The following WWOX variants were observed in gnomAD, a reference collection of about 807,000 sequenced individuals.
WWOX encodes the protein WW domain containing oxidoreductase.
WWOX carries 69 observed loss-of-function variants against 46.2 expected under a neutral mutation model. That is an observed-to-expected ratio of 1.49 (90% confidence interval 1.23 to 1.82). The LOEUF (loss-of-function observed/expected upper bound fraction) is 1.82, where lower values mean the gene tolerates loss of function less well. Ranked by LOEUF, WWOX falls within the 40% of genes most tolerant of loss-of-function variation. The pLI, the probability that WWOX is intolerant of heterozygous loss-of-function variation, is 0.00. For synonymous variants in WWOX, 359 were observed against 202.6 expected (o/e 1.77, Z -6.56); for missense variants, 919 against 542.6 (o/e 1.69, Z -6.89).
intron 8 of WWOX, among the ~76,000 whole-genome samples, chr16:78,925,447 G>C (rs2045476744): frequency 6.6e-6 from 1 of 152,162 alleles, no homozygotes; most frequent in Admixed American, 6.5e-5. Context: ...ACCTTCCTTG[G>C]TGTTAAAAAA....
At chr16:78,844,911 C>T (rs544742908) in intron 8 of WWOX, among the ~76,000 whole-genome samples, 2 of 152,294 alleles carry the variant, frequency 1.3e-5, no homozygotes, top group African/African-American at 2.4e-5. Context: ...TGGTTGCTGA[C>T]TCTCAGGATC....
chr16:78,720,561 G>C (rs939164063), intron 8 of WWOX, among the ~76,000 whole-genome samples: 1 of 151,204 alleles, frequency 6.6e-6, no homozygotes, highest in African/African-American at 2.4e-5. Flanking sequence ...ATGTGTCTGT[G>C]AGAGACAGAG....
chr16:78,380,127 A>G (rs1454558101), intron 5 of WWOX, among the ~76,000 whole-genome samples: 2 of 152,182 alleles, frequency 1.3e-5, no homozygotes, highest in Non-Finnish European at 2.9e-5. Context: ...TACTTGGGCT[A>G]CCGGGTTACC....
At chr16:78,482,533 A>G (rs886459543) in intron 8 of WWOX, among the ~76,000 whole-genome samples, 1 of 152,160 alleles carries the variant, frequency 6.6e-6, no homozygotes, top group Non-Finnish European at 1.5e-5. Context: ...AAATAACTCC[A>G]TTATTTAAGA....
intron 8 of WWOX, among the ~76,000 whole-genome samples, chr16:79,119,778 C>CTGAA (rs1233630005): frequency 6.6e-6 from 1 of 152,152 alleles, no homozygotes; most frequent in Non-Finnish European, 1.5e-5. Context: ...TGCTGTTGTG[C>CTGAA]TGAACCCTAT....
chr16:78,889,628 C>G (rs1435565680), intron 8 of WWOX, among the ~76,000 whole-genome samples: 3 of 152,150 alleles, frequency 2.0e-5, no homozygotes, highest in Non-Finnish European at 2.9e-5. Flanking sequence ...ATGGAATAAG[C>G]TAGAAATTTG....
At chr16:78,465,484 G>A (rs1370839070) in intron 8 of WWOX, among the ~76,000 whole-genome samples, 1 of 152,168 alleles carries the variant, frequency 6.6e-6, no homozygotes, top group Non-Finnish European at 1.5e-5. Context: ...CCAGCCTGGG[G>A]GAGGGTTTGT....
intron 8 of WWOX, among the ~76,000 whole-genome samples, chr16:78,537,493 G>A (rs367801196): frequency 1.3e-4 from 19 of 151,984 alleles, no homozygotes; most frequent in African/African-American, 3.9e-4. Context: ...TTGTTTTATC[G>A]TTTTCATCAT....
chr16:78,568,799 A>T (rs147157316), intron 8 of WWOX, among the ~76,000 whole-genome samples: 33 of 152,298 alleles, frequency 2.2e-4, no homozygotes, highest in Non-Finnish European at 4.6e-4. Flanking sequence ...GCCAGAAACA[A>T]CTGGCTGTTA....
At chr16:79,029,535 C>G (rs1294769510) in intron 8 of WWOX, among the ~76,000 whole-genome samples, 1 of 152,178 alleles carries the variant, frequency 6.6e-6, no homozygotes, top group Non-Finnish European at 1.5e-5. Context: ...GAACAGGATG[C>G]TCCTTTAAGT....
rs1484696267 is a variant in WWOX, at chr16:78,157,733, C to T, written c.410-6450C>T. Among the ~76,000 whole-genome samples the T allele has an allele frequency of 3.3e-5, 5 of 152,294 alleles. No homozygotes were observed. The East Asian group carries it at 9.7e-4, about 29-fold the overall frequency. ...TATTCAGACAAACGGAATGGTGGAG[C>T]CCGAGGTTGATTTCTTTGAATTCTG... On this transcript the variant is annotated intron_variant, in intron 4 of 8. Transcript: ENST00000566780.
chr16:78,988,325 C>T (rs2046820232), intron 8 of WWOX, among the ~76,000 whole-genome samples: 1 of 137,980 alleles, frequency 7.2e-6, no homozygotes, highest in East Asian at 2.1e-4. Flanking sequence ...GCCCAGGCAA[C>T]AAGAGCAAAA....
At chr16:78,141,402 A>G (rs965859365) in intron 4 of WWOX, among the ~76,000 whole-genome samples, 8 of 144,666 alleles carry the variant, frequency 5.5e-5, no homozygotes, top group Non-Finnish European at 1.1e-4. Context: ...ATTCTAGACC[A>G]CTGGATGTCA....
chr16:78,986,277 C>T (rs2046782900), intron 8 of WWOX, among the ~76,000 whole-genome samples: 1 of 152,140 alleles, frequency 6.6e-6, no homozygotes, highest in South Asian at 2.1e-4. Flanking sequence ...ACAAAGATGC[C>T]ATAGGTAGAG....
intron 5 of WWOX, among the ~76,000 whole-genome samples, chr16:78,372,061 C>T (rs78007970): frequency 2.0e-3 from 301 of 152,260 alleles, no homozygotes; most frequent in African/African-American, 6.5e-3. Flanking sequence ...CTAAGTCTCA[C>T]GGCTATGCCT....
chr16:79,082,361 C>T (rs376677422), intron 8 of WWOX, among the ~76,000 whole-genome samples: 1 of 152,154 alleles, frequency 6.6e-6, no homozygotes, highest in African/African-American at 2.4e-5. Flanking sequence ...CTTTGTAAGA[C>T]ACAGATAATA....
chr16:78,780,534 T>C (rs1045516378), intron 8 of WWOX: 1 of 152,070 alleles, frequency 6.6e-6, no homozygotes, highest in Admixed American at 6.6e-5. Flanking sequence ...ATATACAAGA[T>C]AAATAGAAAC....
intron 5 of WWOX, among the ~76,000 whole-genome samples, chr16:78,205,455 C>G (rs1158986309): frequency 6.6e-6 from 1 of 151,984 alleles, no homozygotes; most frequent in Non-Finnish European, 1.5e-5. Flanking sequence ...ATTCATCTGC[C>G]CATCTGCCCA....
chr16:78,181,353 T>C (rs1410052970), intron 5 of WWOX, among the ~76,000 whole-genome samples: 1 of 152,112 alleles, frequency 6.6e-6, no homozygotes, highest in Non-Finnish European at 1.5e-5. Context: ...AAGGAGGAAA[T>C]TAGAATTGTT....
Sources: gnomAD v4.1 joint callset for allele counts (sites outside exome capture counted in the v4.1 genomes callset) on GRCh38, gnomAD v4.1.1 for gene constraint, MANE v1.5 for transcripts, NCBI Gene and HGNC (gene_info 2026-07-23, HGNC 2026-07-21) for gene names.